The following ZC3H13 variants were observed in gnomAD, a reference collection of about 807,000 sequenced individuals.
ZC3H13 encodes the protein zinc finger CCCH-type containing 13, also known as zinc finger CCCH domain-containing protein 13.
A neutral mutation model predicts 204.1 loss-of-function variants in ZC3H13; 64 were observed. The ratio of observed to expected loss-of-function variants is 0.31; its 90% CI spans 0.26 to 0.39. The LOEUF is 0.39. ZC3H13 is among the 10% of genes least tolerant of loss of function. ZC3H13 has a pLI of 1.00. For missense variants in ZC3H13, 1,833 were observed against 2,082.7 expected, an observed-to-expected ratio of 0.88 and a Z score of 2.33; for synonymous variants, 667 against 693.7, an observed-to-expected ratio of 0.96 and a Z score of 0.60.
At chr13:45,978,622 A>C (rs1000597594) in intron 11 of ZC3H13, among the ~76,000 whole-genome samples, 3 of 152,124 alleles carry the variant, frequency 2.0e-5, no homozygotes, top group Admixed American at 2.0e-4. Context: ...CTTGGCACCT[A>C]GTAGAAGATC....
intron 8 of ZC3H13, among the ~76,000 whole-genome samples, chr13:45,996,103 T>C (rs1221038792): frequency 6.6e-6 from 1 of 152,198 alleles, no homozygotes; most frequent in East Asian, 1.9e-4. Context: ...TCCAAGAAGA[T>C]TTTGTGTTTA....
intron 10 of ZC3H13, among the ~76,000 whole-genome samples, chr13:45,981,449 G>A (rs1349332730): frequency 6.6e-6 from 1 of 152,012 alleles, no homozygotes; most frequent in Non-Finnish European, 1.5e-5. Context: ...AAACATACGT[G>A]TGCATGTGTC....
intron 11 of ZC3H13, among the ~76,000 whole-genome samples, 155 bp downstream of exon 11, chr13:45,979,658 A>G (rs532675663): frequency 9.2e-5 from 14 of 152,290 alleles, no homozygotes; most frequent in African/African-American, 3.4e-4. Flanking sequence ...CCATGTGAAC[A>G]AAGATTATAT....
chr13:45,966,758 C>T (rs1316397164), intron 15 of ZC3H13, among the ~76,000 whole-genome samples: 1 of 151,986 alleles, frequency 6.6e-6, no homozygotes, highest in Non-Finnish European at 1.5e-5. Flanking sequence ...ACAGTAAGTG[C>T]CTCGAGCAGA....
chr13:46,023,219 T>G (rs1667766974), intron 4 of ZC3H13, among the ~76,000 whole-genome samples: 1 of 152,192 alleles, frequency 6.6e-6, no homozygotes, highest in Non-Finnish European at 1.5e-5. Context: ...TTTGTATAGC[T>G]ATGGAAGCCC....
chr13:45,977,407 T>G (rs1171035567), intron 11 of ZC3H13, among the ~76,000 whole-genome samples: 1 of 152,194 alleles, frequency 6.6e-6, no homozygotes, highest in Non-Finnish European at 1.5e-5. Context: ...TTATGGGAGA[T>G]GTATTTTCCC....
At chr13:46,037,073 A>G (rs2043256057) in intron 4 of ZC3H13, among the ~76,000 whole-genome samples, 1 of 152,204 alleles carries the variant, frequency 6.6e-6, no homozygotes, top group Non-Finnish European at 1.5e-5. Flanking sequence ...ACAAAAAACT[A>G]AACACTTTAA....
intron 4 of ZC3H13, among the ~76,000 whole-genome samples, chr13:46,038,094 C>T (rs1217656551): frequency 6.6e-6 from 1 of 152,164 alleles, no homozygotes; most frequent in Non-Finnish European, 1.5e-5. Context: ...CTCAGCATGT[C>T]TCTTTTCTCT....
chr13:45,976,413 T>A, intron 11 of ZC3H13: 1 of 235,464 alleles, frequency 4.2e-6, no homozygotes, highest in Non-Finnish European at 6.9e-6. Flanking sequence ...ACATGAACTG[T>A]AATATTAAGG....
At position 45,985,438 on chromosome 13, in the gene ZC3H13, G is replaced by A. The variant is rs754240291; in HGVS notation, c.1579C>T (p.Arg527Trp). The change falls in exon 10 of 19, where the codon CGG (arginine) becomes TGG (tryptophan). Residue 527 changes from arginine (R) to tryptophan (W), a missense_variant. Physicochemically the swap from Arg to Trp is moderately radical, Grantham distance 101. This residue lies in a region of ZC3H13 where 1,574 missense variants were observed against 1,757.2 expected (regional missense o/e 0.90). Coordinates refer to ENST00000679008, the MANE Select transcript of ZC3H13 (RefSeq NM_001330564.2). ...CTCAAATGGTTTCGGCCATAACTCC[G>A]GGATTCTTCTGGATATGTATCCTCC... is the stretch of plus-strand genomic sequence containing the variant. ...RKEDTYPEES[R>W]SYGRNHLREE... The A allele has an allele frequency of 5.0e-6, 8 of 1,613,984 alleles. No homozygotes were observed. Among genetic ancestry groups the A allele is most frequent in the South Asian group, 3.3e-5 (3 of 91,078 alleles).
intron 11 of ZC3H13, among the ~76,000 whole-genome samples, chr13:45,977,318 A>G (rs2138052338): frequency 6.6e-6 from 1 of 152,332 alleles, no homozygotes; most frequent in Middle Eastern, 3.4e-3. Context: ...AACAAATTCA[A>G]TACCATTAAC....
chr13:46,028,144 T>C (rs1340296520), intron 4 of ZC3H13, among the ~76,000 whole-genome samples: 2 of 152,142 alleles, frequency 1.3e-5, no homozygotes, highest in African/African-American at 4.8e-5. Context: ...AAAGGTATAC[T>C]GCTAACACTA....
chr13:46,040,161 G>A (rs779815037), intron 4 of ZC3H13, among the ~76,000 whole-genome samples: 8 of 152,144 alleles, frequency 5.3e-5, no homozygotes, highest in Non-Finnish European at 8.8e-5. Flanking sequence ...TTTTAAGACT[G>A]TATCACTGTA....
At chr13:45,965,494 A>T in intron 15 of ZC3H13, 62 bp from the exon 16 acceptor site, 1 of 1,567,394 alleles carries the variant, frequency 6.4e-7, no homozygotes, top group Admixed American at 1.8e-5. Flanking sequence ...GACTAAGTCA[A>T]ACCAAAAGGT....
rs10678022 is a variant in ZC3H13 at position 45,983,414 on chromosome 13, T to TATATATATATATATA, written c.1720+1882_1720+1883insTATATATATATATAT. Among the ~76,000 whole-genome samples the TATATATATATATATA allele has an allele frequency of 2.0e-3, 42 of 20,548 alleles. 1 individual carries two copies. Among genetic ancestry groups the TATATATATATATATA allele is most frequent in the African/African-American group, 0.012 (35 of 2,874 alleles). The allele number at this position is 20,548 out of a possible 152,430, so 13.5% of individuals were successfully genotyped here. A position where few individuals can be genotyped will look rare whatever the true frequency, so the allele number is the denominator to read the frequency against. On this transcript the variant is annotated intron_variant, in intron 10 of 18. Coordinates refer to ENST00000679008, the MANE Select transcript of ZC3H13 (RefSeq NM_001330564.2). ...AGCCCCTTCTACTTATATATATATA[T>TATATATATATATATA]TTTTTTTTTTTTTTTTTTTTTTTTT...
At chr13:46,035,289 G>A (rs1566339633) in intron 4 of ZC3H13, among the ~76,000 whole-genome samples, 1 of 152,166 alleles carries the variant, frequency 6.6e-6, no homozygotes, top group African/African-American at 2.4e-5. Flanking sequence ...TAGATTAACT[G>A]AGGCCCACAG....
At chr13:45,972,242 C>G (rs1952646718) in intron 12 of ZC3H13, among the ~76,000 whole-genome samples, 1 of 150,970 alleles carries the variant, frequency 6.6e-6, no homozygotes, top group African/African-American at 2.4e-5. Flanking sequence ...AGATATAGAA[C>G]CAACCTAAGT....
intron 10 of ZC3H13, among the ~76,000 whole-genome samples, chr13:45,982,783 GGCT>G (rs1295591709): frequency 6.6e-6 from 1 of 151,932 alleles, no homozygotes; most frequent in Non-Finnish European, 1.5e-5. Context: ...AGTTGCTAGT[GGCT>G]ATAGAAAAAA....
At chr13:46,038,200 C>T (rs987127814) in intron 4 of ZC3H13, among the ~76,000 whole-genome samples, 1 of 152,078 alleles carries the variant, frequency 6.6e-6, no homozygotes, top group African/African-American at 2.4e-5. Context: ...ATTTTTATAA[C>T]CTAGGCACAC....
Sources: gnomAD v4.1 joint callset for allele counts (sites outside exome capture counted in the v4.1 genomes callset) on GRCh38, gnomAD v4.1.1 for gene constraint, gnomAD v4.1.1 regional missense constraint, MANE v1.5 for transcripts, NCBI Gene and HGNC (gene_info 2026-07-23, HGNC 2026-07-21) for gene names.